GALNT17: variants seen among roughly 807,000 people sequenced by gnomAD.
The protein encoded by GALNT17 is UDP-GalNAc:polypeptide N-acetylgalactosaminyltransferase-like 3.
In GALNT17, 29 loss-of-function variants were observed where a neutral mutation model predicts 63.7. The ratio of observed to expected loss-of-function variants is 0.46; its 90% CI spans 0.34 to 0.62. The LOEUF is 0.62. GALNT17 is among the 20% of genes least tolerant of loss of function. GALNT17 has a pLI of 0.01. For missense variants in GALNT17, 603 were observed against 799.6 expected, an observed-to-expected ratio of 0.75 and a Z score of 2.97; for synonymous variants, 305 against 318.3, an observed-to-expected ratio of 0.96 and a Z score of 0.45.
At chr7:71,460,179 C>A (rs913650356) in intron 5 of GALNT17, among the ~76,000 whole-genome samples, 4 of 152,098 alleles carry the variant, frequency 2.6e-5, no homozygotes, top group African/African-American at 9.7e-5. Context: ...CAGAATAAAT[C>A]TCTTCAAGTG....
intron 1 of GALNT17, among the ~76,000 whole-genome samples, chr7:71,267,917 G>A (rs1790520820): frequency 6.7e-6 from 1 of 148,816 alleles, no homozygotes; most frequent in African/African-American, 2.5e-5. Context: ...GTGTCCATGT[G>A]GAGAACTGCA....
intron 1 of GALNT17, among the ~76,000 whole-genome samples, chr7:71,305,448 C>A (rs2115904236): frequency 6.6e-6 from 1 of 152,204 alleles, no homozygotes; most frequent in African/African-American, 2.4e-5. Flanking sequence ...ATTTTTCTAC[C>A]CCCTGGGATG....
chr7:71,377,114 A>AAAAAAAAAATATATATATATATATAT, intron 2 of GALNT17, among the ~76,000 whole-genome samples: 1 of 57,468 alleles, frequency 1.7e-5, no homozygotes, highest in Non-Finnish European at 3.0e-5. Context: ...AAATAAAAAA[A>AAAAAAAAAATATATATATATATATAT]ATATATATAT....
chr7:71,654,321 G>A (rs751165949), intron 6 of GALNT17, among the ~76,000 whole-genome samples: 4 of 152,148 alleles, frequency 2.6e-5, no homozygotes, highest in East Asian at 1.9e-4. Flanking sequence ...CACTGCGCCC[G>A]GCCGGCTGGA....
At chr7:71,535,686 C>T (rs1223024334) in intron 5 of GALNT17, among the ~76,000 whole-genome samples, 3 of 152,154 alleles carry the variant, frequency 2.0e-5, no homozygotes, top group Non-Finnish European at 1.5e-5. Context: ...CTTTCTTTGT[C>T]TCTGGAGTTT....
intron 2 of GALNT17, among the ~76,000 whole-genome samples, chr7:71,373,518 C>A (rs1792665110): frequency 6.6e-6 from 1 of 152,134 alleles, no homozygotes; most frequent in Non-Finnish European, 1.5e-5. Flanking sequence ...CTGATAGGAA[C>A]TGGGCCGAAC....
chr7:71,713,228 G>T lies in GALNT17; in HGVS notation c.*1082G>T. On this transcript the variant is annotated 3_prime_UTR_variant, in exon 11 of 11. Coordinates refer to ENST00000333538, the MANE Select transcript of GALNT17 (RefSeq NM_022479.3). ...TGCGTGGCAGGGTGTGTGTGTGTGTGTCTGGCTGTGCGTTCCGGAGTGTGT... is the reference window on the plus strand; with the variant it reads ...TGCGTGGCAGGGTGTGTGTGTGTGTTTCTGGCTGTGCGTTCCGGAGTGTGT... 6.5e-6 allele frequency: 1 copy of T among 153,302 alleles called. No individual in the cohort carries two copies. Among genetic ancestry groups the T allele is most frequent in the Non-Finnish European group, 1.5e-5 (1 of 68,530 alleles). 9.5% of individuals were successfully genotyped at this position (153,302 alleles called of 1,614,324 possible). A position where few individuals can be genotyped will look rare whatever the true frequency, so the allele number is the denominator to read the frequency against.
Position 71,523,029 on chromosome 7 carries a change from G to T in GALNT17, c.963-48256G>T, listed in dbSNP as rs967396173. On this transcript the variant is annotated intron_variant, in intron 5 of 10. Transcript: ENST00000333538. Reference sequence around the variant, plus strand: ...AAGACCATCCTGGGCAATGTAGCGAGACCTCGTCTCTATGGTACATAAAAA... The same window carrying T: ...AAGACCATCCTGGGCAATGTAGCGATACCTCGTCTCTATGGTACATAAAAA... Among the ~76,000 whole-genome samples, 3 of 152,176 alleles carry T rather than the reference G, an allele frequency of 2.0e-5. No homozygotes were observed. The East Asian group carries it at 5.8e-4, about 30-fold the overall frequency.
intron 5 of GALNT17, among the ~76,000 whole-genome samples, chr7:71,562,570 C>A (rs1789274158): frequency 6.6e-6 from 1 of 152,138 alleles, no homozygotes; most frequent in Non-Finnish European, 1.5e-5. Context: ...ATGCACAGTT[C>A]ACAACAGGGT....
At chr7:71,491,252 G>T in intron 5 of GALNT17, among the ~76,000 whole-genome samples, 1 of 152,040 alleles carries the variant, frequency 6.6e-6, no homozygotes. Context: ...TGGTGCTCTG[G>T]GTTCTGTCTC....
chr7:71,449,108 C>T lies in GALNT17; in HGVS notation c.962+28003C>T, dbSNP rs375022442. The stretch of plus-strand genomic sequence containing the variant: ...ATTAGAAATAACAGCTGCCTATTTT[C>T]TTTTTTTTTTTTTTTTTTTTTTGAG... On this transcript the variant is annotated intron_variant, in intron 5 of 10. Coordinates refer to ENST00000333538, the MANE Select transcript of GALNT17 (RefSeq NM_022479.3). Among the ~76,000 whole-genome samples, 424 of 72,624 alleles carry T rather than the reference C, an allele frequency of 5.8e-3. 1 individual carries two copies. Among genetic ancestry groups the T allele is most frequent in the Middle Eastern group, 0.022 (1 of 46 alleles). The allele number at this position is 72,624 out of a possible 152,430, so 47.6% of individuals were successfully genotyped here. A position where few individuals can be genotyped will look rare whatever the true frequency, so the allele number is the denominator to read the frequency against.
rs1033490703 is a variant in GALNT17, at chr7:71,381,309, C to T, written c.423-6926C>T. On this transcript the variant is annotated intron_variant, in intron 2 of 10. Transcript: ENST00000333538. ...AACAAGCCCCCAGACGATGCTGTTGCGGATGCTACAGACCTGTGGACCACA... is the reference window on the plus strand; with the variant it reads ...AACAAGCCCCCAGACGATGCTGTTGTGGATGCTACAGACCTGTGGACCACA... 1.8e-4 allele frequency among the ~76,000 whole-genome samples: 28 copies of T among 152,056 alleles called. 1 individual carries two copies. The highest frequency in any genetic ancestry group is 2.9e-5 in the Non-Finnish European group (2 of 68,010).
At chr7:71,613,951 CTT>C (rs1411771773) in intron 6 of GALNT17, among the ~76,000 whole-genome samples, 1 of 151,902 alleles carries the variant, frequency 6.6e-6, no homozygotes, top group African/African-American at 2.4e-5. Flanking sequence ...GACCCTGTCT[CTT>C]TAAAACAAAC....
chr7:71,540,139 C>G (rs1288719858), intron 5 of GALNT17, among the ~76,000 whole-genome samples: 2 of 86,768 alleles, frequency 2.3e-5, no homozygotes, highest in Non-Finnish European at 2.1e-5. Flanking sequence ...GATGGAGTCT[C>G]TCTATGTCCT....
At chr7:71,207,564 G>A (rs1789296203) in intron 1 of GALNT17, among the ~76,000 whole-genome samples, 1 of 152,176 alleles carries the variant, frequency 6.6e-6, no homozygotes, top group Non-Finnish European at 1.5e-5. Context: ...TGCTGGCTCG[G>A]GTGGGTTGGG....
intron 5 of GALNT17, among the ~76,000 whole-genome samples, chr7:71,428,131 T>C (rs1786793510): frequency 1.3e-5 from 2 of 152,146 alleles, no homozygotes; most frequent in African/African-American, 2.4e-5. Context: ...CATTGTAAAG[T>C]GTGAAGTTCA....
Position 71,538,289 on chromosome 7 carries a change from C to T in GALNT17, c.963-32996C>T, listed in dbSNP as rs117128285. ...CCACTTGAAACCCTGGAAGGCAGAG[C>T]TTGCCACGGCTATTTCAAGCACCCC... On this transcript the variant is annotated intron_variant, in intron 5 of 10. Transcript: ENST00000333538. 2.8e-3 allele frequency among the ~76,000 whole-genome samples: 425 copies of T among 152,250 alleles called. 2 individuals are homozygous for T. The highest frequency in any genetic ancestry group is 5.0e-3 in the Non-Finnish European group (337 of 68,028).
chr7:71,426,409 G>A (rs1268639740), intron 5 of GALNT17, among the ~76,000 whole-genome samples: 1 of 152,204 alleles, frequency 6.6e-6, no homozygotes, highest in East Asian at 1.9e-4. Context: ...GCTGTCTTAA[G>A]CTCTGATTGT....
chr7:71,341,452 A>G lies in GALNT17; in HGVS notation c.422+5719A>G, dbSNP rs189295030. 3.3e-5 allele frequency among the ~76,000 whole-genome samples: 5 copies of G among 152,294 alleles called. No homozygotes were observed. In the East Asian group the frequency reaches 9.7e-4, roughly 29 times the overall value. On this transcript the variant is annotated intron_variant, in intron 2 of 10. Coordinates refer to ENST00000333538, the MANE Select transcript of GALNT17 (RefSeq NM_022479.3). ...GATTAGAAGATCCCACCCAGTTCCT[A>G]CATAATTCATGAAAAGAAAAAAAAC... is the stretch of plus-strand genomic sequence containing the variant.
Sources: gnomAD v4.1 joint callset for allele counts (sites outside exome capture counted in the v4.1 genomes callset) on GRCh38, gnomAD v4.1.1 for gene constraint, MANE v1.5 for transcripts, NCBI Gene and HGNC (gene_info 2026-07-23, HGNC 2026-07-21) for gene names.